The following LCP2 variants were observed in gnomAD, a reference collection of about 807,000 sequenced individuals.
LCP2 encodes 76 kDa tyrosine phosphoprotein.
In LCP2, 29 loss-of-function variants were observed where a neutral mutation model predicts 74.5. The observed-to-expected ratio is 0.39, with a 90% CI of 0.29 to 0.53. LCP2 has a LOEUF of 0.53. LCP2 is among the 20% of genes least tolerant of loss of function. LCP2 has a pLI of 0.72. For synonymous variants in LCP2, 228 were observed against 229.5 expected (o/e 0.99, Z 0.06); for missense variants, 604 against 634.6 (o/e 0.95, Z 0.52).
intron 1 of LCP2, among the ~76,000 whole-genome samples, chr5:170,295,110 C>G (rs937658599): frequency 7.9e-5 from 12 of 152,056 alleles, no homozygotes; most frequent in African/African-American, 2.7e-4. Context: ...TGGGACCCCA[C>G]CTGGGATTAG....
intron 1 of LCP2, 131 bp from the exon 2 acceptor site, chr5:170,293,503 T>G (rs182263967): frequency 1.1e-4 from 91 of 818,640 alleles, no homozygotes; most frequent in Non-Finnish European, 1.7e-4. Context: ...TGCCCTCCCT[T>G]GGCTAACAGA....
At chr5:170,297,394 A>G (rs938399940) in intron 1 of LCP2, 140 bp downstream of exon 1, 2 of 678,718 alleles carry the variant, frequency 2.9e-6, no homozygotes, top group Non-Finnish European at 5.0e-6. Context: ...TATGGCGCTC[A>G]CTCAACCAGT....
chr5:170,287,881 T>C, intron 3 of LCP2, 89 bp downstream of exon 3: 1 of 1,194,476 alleles, frequency 8.4e-7, no homozygotes, highest in Non-Finnish European at 1.2e-6. Context: ...AAGCCGACAA[T>C]GACATAGAAC....
chr5:170,288,661 G>A (rs1401501754), intron 2 of LCP2, among the ~76,000 whole-genome samples: 1 of 152,200 alleles, frequency 6.6e-6, no homozygotes, highest in East Asian at 1.9e-4. Context: ...TGATGCAGGA[G>A]TTACCAGCAT....
chr5:170,264,418 G>A (rs1761712236), intron 10 of LCP2, among the ~76,000 whole-genome samples: 1 of 152,202 alleles, frequency 6.6e-6, no homozygotes, highest in African/African-American at 2.4e-5. Context: ...ATGGCGAATG[G>A]TGATATTATC....
At position 170,270,908 on chromosome 5, in the gene LCP2, C is replaced by G; in HGVS notation, c.334G>C (p.Asp112His). 1 of 1,611,856 alleles carries G rather than the reference C, an allele frequency of 6.2e-7. No homozygotes were observed. Residue 112 changes from aspartate (D) to histidine (H), a missense_variant, in exon 7 of 21, where the codon GAT becomes CAT. Coordinates refer to ENST00000046794, the MANE Select transcript of LCP2 (RefSeq NM_005565.5). Reference protein sequence around the residue: ...NGGWSSFEEDDYESPNDDQDG... With the variant: ...NGGWSSFEEDHYESPNDDQDG... ...TGGTCATCATTGGGACTTTCATAAT[C>G]GTCTTCTTCCTGCCCACACAGTGAT...
intron 6 of LCP2, chr5:170,274,091 G>C (rs561394697): frequency 3.4e-6 from 2 of 581,184 alleles, no homozygotes; most frequent in Non-Finnish European, 6.2e-6. Context: ...TCCAGTAGCA[G>C]AGTTGAGTAG....
chr5:170,254,562 T>G (rs1761515909), intron 17 of LCP2, among the ~76,000 whole-genome samples: 2 of 152,208 alleles, frequency 1.3e-5, no homozygotes, highest in African/African-American at 4.8e-5. Context: ...CTTCTCCAAG[T>G]TCCCAGTGCC....
chr5:170,248,567 A>G lies in LCP2; in HGVS notation c.*130T>C. 1.1e-6 allele frequency: 1 copy of G among 897,396 alleles called. No individual in the cohort carries two copies. Among genetic ancestry groups the G allele is most frequent in the Non-Finnish European group, 1.7e-6 (1 of 572,374 alleles). 55.6% of individuals were successfully genotyped at this position (897,396 alleles called of 1,614,324 possible). ...ATTTCAAACACTGTTTTTAAAGGAA[A>G]GGATAAAACCCTTGTGTTCATGGGG... On this transcript the variant is annotated 3_prime_UTR_variant, in exon 21 of 21. Transcript: ENST00000046794.
chr5:170,260,118 T>G (rs140553281), intron 14 of LCP2, among the ~76,000 whole-genome samples: 1 of 152,342 alleles, frequency 6.6e-6, no homozygotes, highest in East Asian at 1.9e-4. Context: ...CTCTATTCTG[T>G]GTCCTCCCTA....
intron 3 of LCP2, among the ~76,000 whole-genome samples, chr5:170,277,476 G>T (rs770408170): frequency 6.6e-6 from 1 of 152,078 alleles, no homozygotes; most frequent in Non-Finnish European, 1.5e-5. Context: ...GGCTGGGCGC[G>T]GTGGCTCACG....
chr5:170,289,671 T>TTCCTTCTTTCTTTC (rs1762250989), intron 2 of LCP2, among the ~76,000 whole-genome samples: 43 of 84,088 alleles, frequency 5.1e-4, no homozygotes, highest in African/African-American at 1.7e-3. Context: ...CTTTCTTTCT[T>TTCCTTCTTTCTTTC]TCTCTCTCTC....
intron 1 of LCP2, among the ~76,000 whole-genome samples, chr5:170,296,405 A>G (rs1435360448): frequency 6.6e-6 from 1 of 152,148 alleles, no homozygotes; most frequent in Non-Finnish European, 1.5e-5. Context: ...GTGACTATAA[A>G]TGCCTCGGAA....
At chr5:170,289,984 A>T (rs758118753) in intron 2 of LCP2, among the ~76,000 whole-genome samples, 1 of 152,086 alleles carries the variant, frequency 6.6e-6, no homozygotes, top group Non-Finnish European at 1.5e-5. Flanking sequence ...GAGGAGGTGG[A>T]CATGAGCCTG....
At chr5:170,284,747 T>C (rs1305351807) in intron 3 of LCP2, among the ~76,000 whole-genome samples, 2 of 145,760 alleles carry the variant, frequency 1.4e-5, no homozygotes, top group African/African-American at 2.6e-5. Flanking sequence ...CCAAAGTTCC[T>C]TGATGCTTTT....
At chr5:170,276,404 C>T (rs1385216040) in intron 3 of LCP2, among the ~76,000 whole-genome samples, 1 of 152,174 alleles carries the variant, frequency 6.6e-6, no homozygotes, top group African/African-American at 2.4e-5. Context: ...CCATCTTCCC[C>T]TCCCAGACTC....
At chr5:170,293,618 A>T (rs1319525714) in intron 1 of LCP2, among the ~76,000 whole-genome samples, 1 of 152,248 alleles carries the variant, frequency 6.6e-6, no homozygotes, top group Non-Finnish European at 1.5e-5. Flanking sequence ...TTACAGAAAG[A>T]CTGCCTTCAA....
chr5:170,291,651 G>A (rs1359355339), intron 2 of LCP2, among the ~76,000 whole-genome samples: 1 of 152,160 alleles, frequency 6.6e-6, no homozygotes, highest in East Asian at 1.9e-4. Context: ...TACAGAGCCG[G>A]GAGGGGCCAT....
rs1398446013 is a variant in LCP2, at chr5:170,267,068, G to A, written c.629C>T (p.Pro210Leu). Residue 210 changes from proline to leucine, a missense_variant, in exon 9 of 21, where the codon CCC becomes CTC. Coordinates refer to ENST00000046794, the MANE Select transcript of LCP2 (RefSeq NM_005565.5). ...TTCTTCGTGGTTGGTCTGGGGTGGGGGCAGTGGCTGCATAAAGATCCAAAC... is the reference window on the plus strand; with the variant it reads ...TTCTTCGTGGTTGGTCTGGGGTGGGAGCAGTGGCTGCATAAAGATCCAAAC... ...PPAGRNHSPL[P>L]PPQTNHEEPS... 1 of 1,613,774 alleles carries A rather than the reference G, an allele frequency of 6.2e-7. No individual in the cohort carries two copies. Among genetic ancestry groups the A allele is most frequent in the South Asian group, 1.1e-5 (1 of 91,062 alleles).
Sources: gnomAD v4.1 joint callset for allele counts (sites outside exome capture counted in the v4.1 genomes callset) on GRCh38, gnomAD v4.1.1 for gene constraint, MANE v1.5 for transcripts, NCBI Gene and HGNC (gene_info 2026-07-23, HGNC 2026-07-21) for gene names.